The following OXR1 variants were observed in gnomAD, a reference collection of about 807,000 sequenced individuals.
The protein encoded by OXR1 is oxidation resistance protein 1.
In OXR1, 41 loss-of-function variants were observed where a neutral mutation model predicts 104.6. The observed-to-expected ratio is 0.39, with a 90% CI of 0.31 to 0.51. The LOEUF (loss-of-function observed/expected upper bound fraction) is 0.51. Among genes scored for constraint, OXR1 ranks in the 20% least tolerant of loss-of-function variants. The pLI, the probability that OXR1 is intolerant of heterozygous loss-of-function variation, is 0.77. For missense variants in OXR1, 955 were observed against 1,031.9 expected (o/e 0.93, Z 1.02); for synonymous variants, 348 against 348.4 (o/e 1.00, Z 0.01).
intron 3 of OXR1, chr8:106,656,056 T>A (rs1470965068): frequency 6.6e-6 from 1 of 152,210 alleles, no homozygotes; most frequent in Admixed American, 6.5e-5. Flanking sequence ...AAAAATAATT[T>A]AAATTATTAA....
intron 3 of OXR1, among the ~76,000 whole-genome samples, chr8:106,537,064 G>A (rs1814591551): frequency 6.6e-6 from 1 of 152,140 alleles, no homozygotes; most frequent in Admixed American, 6.5e-5. Flanking sequence ...TGTCTGGTGA[G>A]AACCCACATG....
At chr8:106,359,047 TTTTCTTTCTTTC>T (rs76498142) in intron 1 of OXR1, among the ~76,000 whole-genome samples, 2,135 of 141,126 alleles carry the variant, frequency 0.015, 18 homozygotes, top group Admixed American at 0.031. Flanking sequence ...CATGGAATTC[TTTTCTTTCTTTC>T]TTTCTTTCTT....
Position 106,706,495 on chromosome 8 carries a change from C to T in OXR1, c.974C>T (p.Thr325Ile). The part of the protein sequence containing the change: ...IRDAGNDSAS[T>I]APRSTEESLS... Reference sequence around the variant, plus strand: ...GATGCAGGTAATGATAGTGCCAGCACTGCTCCTAGGAGCACTGAGGAGTCT... The same window carrying T: ...GATGCAGGTAATGATAGTGCCAGCATTGCTCCTAGGAGCACTGAGGAGTCT... The change falls in exon 9 of 17, where the codon ACT becomes ATT. Residue 325 changes from threonine (T) to isoleucine (I), a missense_variant. Physicochemically the swap from Thr to Ile is moderately conservative, Grantham distance 89. Around this residue, in one of 2 missense-constraint regions of OXR1, gnomAD observed 849 missense variants for 852.9 expected, o/e 1.00. Transcript: ENST00000517566. 1 of 1,602,532 alleles carries T rather than the reference C, an allele frequency of 6.2e-7. No individual in the cohort carries two copies. Among genetic ancestry groups the T allele is most frequent in the South Asian group, 1.1e-5 (1 of 88,664 alleles).
chr8:106,673,569 ATACT>A (rs912659636), intron 3 of OXR1, among the ~76,000 whole-genome samples: 9 of 152,246 alleles, frequency 5.9e-5, no homozygotes, highest in South Asian at 2.1e-4. Flanking sequence ...CCAGCTGCAG[ATACT>A]TACTTAAGTA....
At position 106,328,923 on chromosome 8, in the gene OXR1, C is replaced by A. The variant is rs78399104; in HGVS notation, c.-138-30553C>A. ...AATTTTCGACCTCATCATCCCTAGCCTGGATTACCACTTTGGCCCTCTGCT... is the reference window on the plus strand; with the variant it reads ...AATTTTCGACCTCATCATCCCTAGCATGGATTACCACTTTGGCCCTCTGCT... On this transcript the variant is annotated intron_variant, in intron 1 of 16. Transcript: ENST00000517566. Among the ~76,000 whole-genome samples the A allele has an allele frequency of 2.0e-5, 3 of 152,104 alleles. No individual in the cohort carries two copies. In the East Asian group the frequency reaches 5.8e-4, roughly 29 times the overall value.
intron 6 of OXR1, among the ~76,000 whole-genome samples, 159 bp downstream of exon 6, chr8:106,684,518 C>A (rs967883551): frequency 6.6e-6 from 1 of 152,126 alleles, no homozygotes; most frequent in African/African-American, 2.4e-5. Context: ...AAAAATAAGA[C>A]ATTCTTATGA....
intron 2 of OXR1, among the ~76,000 whole-genome samples, chr8:106,364,152 C>G (rs1447911370): frequency 1.3e-5 from 2 of 152,028 alleles, no homozygotes; most frequent in Non-Finnish European, 2.9e-5. Flanking sequence ...AATGTTTTGA[C>G]TAAATTTAGA....
intron 3 of OXR1, among the ~76,000 whole-genome samples, chr8:106,650,586 T>C (rs1235727491): frequency 6.6e-6 from 1 of 152,174 alleles, no homozygotes; most frequent in Non-Finnish European, 1.5e-5. Context: ...AAACAGGTCC[T>C]TTTTAACTTA....
chr8:106,524,623 C>G lies in OXR1; in HGVS notation c.220+5484C>G, dbSNP rs146962276. Among the ~76,000 whole-genome samples the G allele has an allele frequency of 2.2e-3, 329 of 152,240 alleles. 3 individuals are homozygous for G. Among genetic ancestry groups the G allele is most frequent in the African/African-American group, 7.5e-3 (313 of 41,532 alleles). Reference sequence around the variant, plus strand: ...TGAAGGCCTCATAGAAGATGCTGCTCAGAATAGAATGAAAAATGAAACAGA... The same window carrying G: ...TGAAGGCCTCATAGAAGATGCTGCTGAGAATAGAATGAAAAATGAAACAGA... On this transcript the variant is annotated intron_variant, in intron 3 of 16. Coordinates refer to ENST00000517566, the MANE Select transcript of OXR1 (RefSeq NM_001198533.2).
intron 11 of OXR1, among the ~76,000 whole-genome samples, chr8:106,715,271 C>T (rs1378793561): frequency 1.3e-5 from 2 of 151,614 alleles, no homozygotes; most frequent in African/African-American, 2.4e-5. Context: ...GTCAGAAATC[C>T]ATCACACTAC....
rs1464360413 is a variant in OXR1 at position 106,707,113 on chromosome 8, A to G, written c.1592A>G (p.His531Arg). Residue 531 changes from histidine to arginine, a missense_variant, in exon 9 of 17, where the codon CAT becomes CGT. His to Arg is a conservative substitution (Grantham distance 29). Around this residue, in one of 2 missense-constraint regions of OXR1, gnomAD observed 849 missense variants for 852.9 expected, o/e 1.00. Transcript: ENST00000517566. ...IQQVSQKEAK[H>R]KITSADGHIE... ...CAAGTGTCACAAAAAGAAGCTAAGC[A>G]TAAAATTACATCTGCTGATGGACAC... 4.3e-6 allele frequency: 7 copies of G among 1,613,904 alleles called. No individual in the cohort carries two copies. The highest frequency in any genetic ancestry group is 5.9e-6 in the Non-Finnish European group (7 of 1,179,862).
Position 106,365,471 on chromosome 8 carries a change from A to G in OXR1, c.23+5835A>G, listed in dbSNP as rs181110374. 3.5e-3 allele frequency among the ~76,000 whole-genome samples: 529 copies of G among 152,200 alleles called. 2 individuals carry two copies. The highest frequency in any genetic ancestry group is 0.012 in the African/African-American group (495 of 41,560). On this transcript the variant is annotated intron_variant, in intron 2 of 16. Transcript: ENST00000517566. ...ATAGAATAGCCAAAACAAAAGCTCAAGAGGAATGAAAAATGTGTCCTCCCA... is the reference window on the plus strand; with the variant it reads ...ATAGAATAGCCAAAACAAAAGCTCAGGAGGAATGAAAAATGTGTCCTCCCA...
chr8:106,436,806 G>A (rs919166030), intron 2 of OXR1, among the ~76,000 whole-genome samples: 1 of 152,108 alleles, frequency 6.6e-6, no homozygotes, highest in African/African-American at 2.4e-5. Context: ...GACCAGCCAT[G>A]CCTCTCTCCC....
intron 2 of OXR1, among the ~76,000 whole-genome samples, chr8:106,451,485 T>C (rs567731283): frequency 2.2e-4 from 33 of 152,344 alleles, no homozygotes; most frequent in Non-Finnish European, 4.4e-4. Context: ...ATTTTGTATA[T>C]ACATAATCAT....
intron 14 of OXR1, among the ~76,000 whole-genome samples, chr8:106,740,732 A>C (rs559068738): frequency 6.6e-6 from 1 of 152,160 alleles, no homozygotes. Flanking sequence ...ACATTTGCAC[A>C]TACCAACATC....
chr8:106,632,181 G>GA (rs1158175084), intron 3 of OXR1, among the ~76,000 whole-genome samples: 12 of 152,056 alleles, frequency 7.9e-5, no homozygotes, highest in Admixed American at 6.5e-4. Flanking sequence ...GGTTTAGAGA[G>GA]AAAAAAATAG....
At chr8:106,455,097 G>A (rs1820535029) in intron 2 of OXR1, among the ~76,000 whole-genome samples, 1 of 152,096 alleles carries the variant, frequency 6.6e-6, no homozygotes. Flanking sequence ...CTTATGGAGT[G>A]GTTTAGAGTT....
chr8:106,723,569 C>T (rs1833043521), intron 11 of OXR1, among the ~76,000 whole-genome samples: 1 of 150,682 alleles, frequency 6.6e-6, no homozygotes, highest in Non-Finnish European at 1.5e-5. Context: ...CTACTCAGGA[C>T]TCTGAGGCAG....
intron 2 of OXR1, among the ~76,000 whole-genome samples, chr8:106,482,483 C>T (rs1403250991): frequency 6.6e-6 from 1 of 151,314 alleles, no homozygotes. Flanking sequence ...GAGAGAGTTA[C>T]ATCGATTTTC....
Sources: gnomAD v4.1 joint callset for allele counts (sites outside exome capture counted in the v4.1 genomes callset) on GRCh38, gnomAD v4.1.1 for gene constraint, gnomAD v4.1.1 regional missense constraint, MANE v1.5 for transcripts, NCBI Gene and HGNC (gene_info 2026-07-23, HGNC 2026-07-21) for gene names.